VAT1L: variants seen among roughly 807,000 people sequenced by gnomAD.
VAT1L encodes the protein vesicle amine transport 1 like.
A neutral mutation model predicts 44.1 loss-of-function variants in VAT1L; 34 were observed. That is an observed-to-expected ratio of 0.77 (90% CI 0.59 to 1.03). The LOEUF (loss-of-function observed/expected upper bound fraction) is 1.03. VAT1L is among the 50% of genes least tolerant of loss of function. VAT1L has a pLI of 0.00. For missense variants in VAT1L, 615 were observed against 538.8 expected, an observed-to-expected ratio of 1.14 and a Z score of -1.40; for synonymous variants, 253 against 202.2, an observed-to-expected ratio of 1.25 and a Z score of -2.13.
At chr16:77,969,267 C>T (rs420862) in intron 7 of VAT1L, among the ~76,000 whole-genome samples, 34,740 of 152,112 alleles carry the variant, frequency 0.23, 4,443 homozygotes, top group Admixed American at 0.3. Context: ...GCTAGGAATA[C>T]CTAACTCTCT....
chr16:77,955,726 C>A (rs1041361308), intron 7 of VAT1L, among the ~76,000 whole-genome samples: 1 of 121,168 alleles, frequency 8.3e-6, no homozygotes, highest in Admixed American at 8.4e-5. Context: ...ATATCCCCCC[C>A]CCCAAAAAAA....
intron 4 of VAT1L, among the ~76,000 whole-genome samples, chr16:77,866,846 T>G (rs1280700586): frequency 1.3e-5 from 2 of 152,264 alleles, no homozygotes; most frequent in East Asian, 3.9e-4. Flanking sequence ...TTGAGTTGTG[T>G]GTACCTAACT....
chr16:77,854,446 C>A (rs1597068101), intron 3 of VAT1L, among the ~76,000 whole-genome samples: 1 of 152,186 alleles, frequency 6.6e-6, no homozygotes, highest in East Asian at 1.9e-4. Context: ...CCTCTTCTTA[C>A]AACAATTGAG....
intron 7 of VAT1L, among the ~76,000 whole-genome samples, chr16:77,887,087 A>G (rs547501598): frequency 2.0e-5 from 3 of 152,336 alleles, no homozygotes; most frequent in South Asian, 2.1e-4. Context: ...CTCAATAGGT[A>G]TCATTGGAGC....
chr16:77,927,826 G>A (rs570932641), intron 7 of VAT1L, among the ~76,000 whole-genome samples: 5 of 152,204 alleles, frequency 3.3e-5, no homozygotes, highest in South Asian at 2.1e-4. Context: ...CCGAGATCAC[G>A]CCACTGTACT....
At chr16:77,837,096 G>A (rs77096966) in intron 3 of VAT1L, among the ~76,000 whole-genome samples, 1,642 of 152,300 alleles carry the variant, frequency 0.011, 27 homozygotes, top group African/African-American at 0.037. Flanking sequence ...TAAGTGCTAG[G>A]CTGGGCTGAC....
chr16:77,970,850 T>C (rs965224079), intron 7 of VAT1L, among the ~76,000 whole-genome samples: 2 of 152,256 alleles, frequency 1.3e-5, no homozygotes, highest in African/African-American at 4.8e-5. Context: ...AGCCACAGGG[T>C]GAGTTCCTCA....
intron 4 of VAT1L, among the ~76,000 whole-genome samples, chr16:77,864,521 G>C (rs895923781): frequency 1.3e-5 from 2 of 152,196 alleles, no homozygotes; most frequent in African/African-American, 4.8e-5. Context: ...TGGGTGGATC[G>C]CTTGATCCCG....
chr16:77,937,273 T>C (rs193181002), intron 7 of VAT1L, among the ~76,000 whole-genome samples: 1 of 152,032 alleles, frequency 6.6e-6, no homozygotes, highest in African/African-American at 2.4e-5. Flanking sequence ...CGCAAATCAG[T>C]TGAAAATGAA....
At chr16:77,860,358 C>T (rs1393553762) in intron 3 of VAT1L, among the ~76,000 whole-genome samples, 1 of 152,090 alleles carries the variant, frequency 6.6e-6, no homozygotes, top group East Asian at 1.9e-4. Context: ...CAGGTGGAGA[C>T]AAATGCCAAA....
In VAT1L at chr16:77,788,996, A is replaced by C. The variant is rs2015782825; in HGVS notation, c.233+81A>C. 4.0e-5 allele frequency: 56 copies of C among 1,407,846 alleles called. No homozygotes were observed. In the South Asian group the frequency reaches 8.3e-4, roughly 21 times the overall value. 87.2% of individuals were successfully genotyped at this position (1,407,846 alleles called of 1,614,324 possible). A position where few individuals can be genotyped will look rare whatever the true frequency, so the allele number is the denominator to read the frequency against. On this transcript the variant is annotated intron_variant, in intron 1 of 8. Coordinates refer to ENST00000302536, the MANE Select transcript of VAT1L (RefSeq NM_020927.3). Reference sequence around the variant, plus strand: ...AGGGGGTGGGAAAGCTGCGGCTGGGATGCTGCCCGGGTAGAACCGCCGCGC... The same window carrying C: ...AGGGGGTGGGAAAGCTGCGGCTGGGCTGCTGCCCGGGTAGAACCGCCGCGC...
At chr16:77,969,560 C>G (rs1033721183) in intron 7 of VAT1L, among the ~76,000 whole-genome samples, 1 of 152,018 alleles carries the variant, frequency 6.6e-6, no homozygotes. Flanking sequence ...CAGTTTGAGT[C>G]ATCAGAACAA....
chr16:77,841,594 C>T (rs1257760863), intron 3 of VAT1L, among the ~76,000 whole-genome samples: 1 of 152,166 alleles, frequency 6.6e-6, no homozygotes, highest in African/African-American at 2.4e-5. Context: ...GGAATGTCCT[C>T]TATGTCAAAG....
At chr16:77,810,891 C>G (rs770381700) in intron 1 of VAT1L, among the ~76,000 whole-genome samples, 1 of 152,148 alleles carries the variant, frequency 6.6e-6, no homozygotes, top group Non-Finnish European at 1.5e-5. Flanking sequence ...AAAATCCCTA[C>G]AGTAAGTATT....
intron 3 of VAT1L, among the ~76,000 whole-genome samples, chr16:77,859,170 T>C (rs1415203877): frequency 1.3e-5 from 2 of 149,504 alleles, no homozygotes; most frequent in Admixed American, 6.7e-5. Flanking sequence ...TGTGGTGGCA[T>C]GTACCTGTAG....
chr16:77,865,950 C>A (rs61224074), intron 4 of VAT1L, among the ~76,000 whole-genome samples: 1,545 of 152,286 alleles, frequency 0.01, 37 homozygotes, highest in African/African-American at 0.036. Flanking sequence ...TTAGCCCCCA[C>A]ATCACTGGTG....
chr16:77,943,411 G>C (rs1255868976), intron 7 of VAT1L, among the ~76,000 whole-genome samples: 3 of 123,040 alleles, frequency 2.4e-5, no homozygotes, highest in African/African-American at 9.7e-5. Context: ...ACAGAGTCTC[G>C]CTCTGTCTCC....
intron 7 of VAT1L, among the ~76,000 whole-genome samples, chr16:77,956,480 T>C (rs1160135641): frequency 2.0e-5 from 3 of 152,210 alleles, no homozygotes; most frequent in African/African-American, 4.8e-5. Context: ...ACTTGTCATA[T>C]GTCAGCTGCC....
intron 7 of VAT1L, among the ~76,000 whole-genome samples, chr16:77,890,717 G>A (rs2017255525): frequency 1.3e-5 from 2 of 151,054 alleles, no homozygotes. Context: ...GAGCCCAGGA[G>A]TTCAAGACCA....
Sources: allele counts gnomAD v4.1 joint callset (sites outside exome capture counted in the v4.1 genomes callset), GRCh38; gene constraint gnomAD v4.1.1; transcripts MANE v1.5; gene names NCBI Gene and HGNC (gene_info 2026-07-23, HGNC 2026-07-21).